SMOX: variants seen among roughly 807,000 people sequenced by gnomAD.
SMOX encodes flavin containing amine oxidase.
In SMOX, 22 loss-of-function variants were observed where a neutral mutation model predicts 51.0. The observed-to-expected ratio is 0.43, with a 90% CI of 0.31 to 0.62. The LOEUF is 0.62. Among genes scored for constraint, SMOX ranks in the 20% least tolerant of loss-of-function variants. The pLI is 0.10. For synonymous variants in SMOX, 282 were observed against 307.8 expected (o/e 0.92, Z 0.88); for missense variants, 566 against 777.7 (o/e 0.73, Z 3.24).
intron 1 of SMOX, among the ~76,000 whole-genome samples, chr20:4,161,622 G>C (rs1986324508): frequency 6.6e-6 from 1 of 152,168 alleles, no homozygotes; most frequent in African/African-American, 2.4e-5. Context: ...CCAGGAGGTT[G>C]ACACAGCACT....
intron 1 of SMOX, among the ~76,000 whole-genome samples, chr20:4,169,228 C>T (rs1986716431): frequency 6.6e-6 from 1 of 152,088 alleles, no homozygotes. Flanking sequence ...TCTCTTAACT[C>T]CTGAGCTCAA....
Position 4,183,377 on chromosome 20 carries a change from C to T in SMOX, c.1370-117C>T. 1 of 1,466,592 alleles carries T rather than the reference C, an allele frequency of 6.8e-7. No homozygotes were observed. Among genetic ancestry groups the T allele is most frequent in the East Asian group, 2.3e-5 (1 of 44,088 alleles). 90.8% of individuals were successfully genotyped at this position (1,466,592 alleles called of 1,614,324 possible). ...TTCTATCCTCCGTGCCTACCCCTGG[C>T]AGTCTGGTCCTCCCGGAGCCCTGGA... On this transcript the variant is annotated intron_variant, in intron 5 of 6. Coordinates refer to ENST00000305958, the MANE Select transcript of SMOX (RefSeq NM_175839.3). The surrounding 1 kb of genome is among the most constrained non-coding windows in gnomAD (Gnocchi z 4.3).
chr20:4,165,049 G>GTTGTT (rs1555814041), intron 1 of SMOX, among the ~76,000 whole-genome samples: 2 of 87,330 alleles, frequency 2.3e-5, no homozygotes, highest in African/African-American at 4.1e-5. Context: ...TAGCTAAGTT[G>GTTGTT]TTTTTTTTTT....
intron 1 of SMOX, among the ~76,000 whole-genome samples, chr20:4,168,721 T>TA (rs1986686299): frequency 6.6e-6 from 1 of 151,928 alleles, no homozygotes; most frequent in African/African-American, 2.4e-5. Context: ...CACGCTTGGC[T>TA]AATTTTTGTA....
At position 4,154,940 on chromosome 20, in the gene SMOX, G is replaced by A. The variant is rs534597946; in HGVS notation, c.-27+5963G>A. The stretch of plus-strand genomic sequence containing the variant: ...CAGGGGCCACTCTGCTGGGAGCTGG[G>A]GCTGTGTGAGGGCCTCTGGGTGCTT... On this transcript the variant is annotated intron_variant, in intron 1 of 6. Coordinates refer to ENST00000305958, the MANE Select transcript of SMOX (RefSeq NM_175839.3). Among the ~76,000 whole-genome samples the A allele has an allele frequency of 2.1e-3, 325 of 152,162 alleles. 3 individuals carry two copies. Among genetic ancestry groups the A allele is most frequent in the Non-Finnish European group, 1.1e-3 (75 of 67,982 alleles).
At position 4,183,134 on chromosome 20, in the gene SMOX, G is replaced by T; in HGVS notation, c.1369+286G>T. 1 of 580,588 alleles carries T rather than the reference G, an allele frequency of 1.7e-6. No individual in the cohort carries two copies. 36.0% of individuals were successfully genotyped at this position (580,588 alleles called of 1,614,324 possible). On this transcript the variant is annotated intron_variant, in intron 5 of 6. Transcript: ENST00000305958. This position sits in a 1 kb window ranked among gnomAD's most constrained non-coding sequence, Gnocchi z 4.3. ...CGCCCATTGTGCTCTGTTGCTAAGAGCTGGATTTGCCTTTTACTCTCTGAG... is the reference window on the plus strand; with the variant it reads ...CGCCCATTGTGCTCTGTTGCTAAGATCTGGATTTGCCTTTTACTCTCTGAG...
intron 6 of SMOX, among the ~76,000 whole-genome samples, chr20:4,186,074 G>A (rs1979708747): frequency 6.6e-6 from 1 of 152,098 alleles, no homozygotes; most frequent in Admixed American, 6.6e-5. Flanking sequence ...GGCCGAAGTG[G>A]GAGGATGGCT....
chr20:4,175,157 G>A lies in SMOX; in HGVS notation c.102G>A (p.Leu34=), dbSNP rs954631668. Residue 34 remains leucine, a synonymous_variant, in exon 2 of 7, where the codon TTG becomes TTA. Coordinates refer to ENST00000305958, the MANE Select transcript of SMOX (RefSeq NM_175839.3). The part of the protein sequence containing the change: ...QPRVVVIGAG[L]AGLAAAKALL... ...GTGTGGTGGTGATCGGCGCCGGCTTGGCTGGCCTGGCTGCAGCCAAAGCAC... is the reference window on the plus strand; with the variant it reads ...GTGTGGTGGTGATCGGCGCCGGCTTAGCTGGCCTGGCTGCAGCCAAAGCAC... 6.2e-7 allele frequency: 1 copy of A among 1,614,178 alleles called. No individual in the cohort carries two copies. The highest frequency in any genetic ancestry group is 8.5e-7 in the Non-Finnish European group (1 of 1,180,028).
chr20:4,182,517 G>C lies in SMOX; in HGVS notation c.1038G>C (p.Arg346=). ...VLKRQYTSFF[R]PGLPTEKVAA... ...AGAGGCAGTACACCAGTTTCTTCCG[G>C]CCAGGCCTGCCCACAGAGAAGGTGG... The change falls in exon 5 of 7, where the codon CGG becomes CGC. Residue 346 remains arginine (R), a synonymous_variant. Transcript: ENST00000305958. The surrounding 1 kb of genome is among the most constrained non-coding windows in gnomAD (Gnocchi z 8.4). 6.2e-7 allele frequency: 1 copy of C among 1,611,320 alleles called. No individual in the cohort carries two copies. Among genetic ancestry groups the C allele is most frequent in the Non-Finnish European group, 8.5e-7 (1 of 1,178,432 alleles).
chr20:4,178,912 A>G (rs1297825735), intron 3 of SMOX, among the ~76,000 whole-genome samples: 1 of 151,940 alleles, frequency 6.6e-6, no homozygotes, highest in South Asian at 2.1e-4. Context: ...CGAACTCCTG[A>G]CCTCAGGTGA....
chr20:4,151,900 C>T (rs532061997), intron 1 of SMOX, among the ~76,000 whole-genome samples: 9 of 152,278 alleles, frequency 5.9e-5, no homozygotes, highest in Admixed American at 5.9e-4. Flanking sequence ...AGCTGATGCC[C>T]AGGAAATCTT....
intron 1 of SMOX, among the ~76,000 whole-genome samples, chr20:4,160,812 C>T (rs1016140470): frequency 7.1e-4 from 108 of 152,308 alleles, no homozygotes; most frequent in African/African-American, 2.5e-3. Flanking sequence ...GGATCCAGCA[C>T]GGCTCAGACA....
intron 1 of SMOX, among the ~76,000 whole-genome samples, chr20:4,162,069 C>CGTGTGCCTCCTGGCAG (rs372722866): frequency 1.3e-5 from 2 of 152,194 alleles, no homozygotes; most frequent in African/African-American, 4.8e-5. Flanking sequence ...GGCGGCAGGT[C>CGTGTGCCTCCTGGCAG]GTGTGCCTCC....
In SMOX at chr20:4,167,370, TCCTC is replaced by T. The variant is rs931817570; in HGVS notation, c.-26-7655_-26-7652del. Among the ~76,000 whole-genome samples the T allele has an allele frequency of 6.6e-5, 10 of 152,256 alleles. No homozygotes were observed. The highest frequency in any genetic ancestry group is 6.5e-4 in the Admixed American group (10 of 15,284). On this transcript the variant is annotated intron_variant, in intron 1 of 6. Transcript: ENST00000305958. This position sits in a 1 kb window ranked among gnomAD's most constrained non-coding sequence, Gnocchi z 4.8. ...TCTGTACTGGTCTCTTTGGGGATCT[TCCTC>T]CCTCTCCCGCCCTCTCCGAGATGAC...
intron 1 of SMOX, among the ~76,000 whole-genome samples, chr20:4,158,520 C>T (rs534959383): frequency 9.9e-5 from 15 of 152,204 alleles, no homozygotes; most frequent in African/African-American, 2.6e-4. Flanking sequence ...TCTTGAGGGA[C>T]GGCATTAAGG....
intron 1 of SMOX, among the ~76,000 whole-genome samples, chr20:4,150,824 CTTTTTTT>C (rs753050845): frequency 0.015 from 1,597 of 107,660 alleles, 19 homozygotes; most frequent in Non-Finnish European, 0.019. Flanking sequence ...CATCTACTCA[CTTTTTTT>C]TTTTTTTTTT....
At chr20:4,158,178 G>GT (rs1986128239) in intron 1 of SMOX, among the ~76,000 whole-genome samples, 1 of 152,148 alleles carries the variant, frequency 6.6e-6, no homozygotes, top group Non-Finnish European at 1.5e-5. Context: ...GGGATGACAG[G>GT]TGTGAGCCAC....
intron 1 of SMOX, among the ~76,000 whole-genome samples, chr20:4,161,765 T>G (rs1242316679): frequency 6.6e-6 from 1 of 152,200 alleles, no homozygotes; most frequent in Admixed American, 6.5e-5. Context: ...GTCTGGGTGT[T>G]GCAGTATCCC....
At chr20:4,152,341 G>C (rs975548324) in intron 1 of SMOX, among the ~76,000 whole-genome samples, 49 of 152,120 alleles carry the variant, frequency 3.2e-4, no homozygotes, top group Admixed American at 1.3e-4. Flanking sequence ...TGGGTACCCA[G>C]CCCTGGGGTG....
Sources: allele counts gnomAD v4.1 joint callset (sites outside exome capture counted in the v4.1 genomes callset), GRCh38; gene constraint gnomAD v4.1.1; non-coding constraint Gnocchi (gnomAD v3.1); transcripts MANE v1.5; gene names NCBI Gene and HGNC (gene_info 2026-07-23, HGNC 2026-07-21).